ZNF804A: variants seen among roughly 807,000 people sequenced by gnomAD.
The protein encoded by ZNF804A is zinc finger protein 804A.
ZNF804A carries 2 observed loss-of-function variants against 16.5 expected under a neutral mutation model. The observed-to-expected ratio is 0.12, with a 90% CI of 0.05 to 0.38. The LOEUF (loss-of-function observed/expected upper bound fraction) is 0.38. ZNF804A is among the 10% of genes least tolerant of loss of function. ZNF804A has a pLI of 0.99. For synonymous variants in ZNF804A, 534 were observed against 489.6 expected (o/e 1.09, Z -1.20); for missense variants, 1,473 against 1,390.7 (o/e 1.06, Z -0.94).
intron 1 of ZNF804A, among the ~76,000 whole-genome samples, chr2:184,802,619 G>C (rs767695020): frequency 4.6e-5 from 7 of 152,144 alleles, no homozygotes; most frequent in African/African-American, 7.2e-5. Flanking sequence ...TCTTTCTCCA[G>C]ATTTTGGGGT....
At chr2:184,738,403 C>T (rs528514103) in intron 1 of ZNF804A, among the ~76,000 whole-genome samples, 82 of 152,094 alleles carry the variant, frequency 5.4e-4, no homozygotes, top group African/African-American at 1.9e-3. Context: ...TCCTGAGCTC[C>T]GCTTGTTATT....
intron 1 of ZNF804A, among the ~76,000 whole-genome samples, chr2:184,839,945 A>G (rs989711458): frequency 6.6e-6 from 1 of 152,170 alleles, no homozygotes; most frequent in Non-Finnish European, 1.5e-5. Flanking sequence ...TTCAACTTGG[A>G]TTGAGGTGTC....
Position 184,938,959 on chromosome 2 carries a change from C to A in ZNF804A, c.3563C>A (p.Pro1188His), listed in dbSNP as rs1469509608. ...HPSHLAFPSL[P>H]HALFPSLLSP... ...AGCCATCTGGCTTTCCCATCTTTACCCCATGCACTCTTTCCTTCACTGCTT... is the reference window on the plus strand; with the variant it reads ...AGCCATCTGGCTTTCCCATCTTTACACCATGCACTCTTTCCTTCACTGCTT... The change falls in exon 4 of 4, where the codon CCC (proline) becomes CAC (histidine). Residue 1188 changes from proline (P) to histidine (H), a missense_variant. Transcript: ENST00000302277. 3.7e-6 allele frequency: 6 copies of A among 1,613,788 alleles called. No homozygotes were observed. The highest frequency in any genetic ancestry group is 5.1e-6 in the Non-Finnish European group (6 of 1,179,942).
At chr2:184,679,191 C>G (rs538436606) in intron 1 of ZNF804A, among the ~76,000 whole-genome samples, 2 of 152,176 alleles carry the variant, frequency 1.3e-5, no homozygotes, top group Non-Finnish European at 2.9e-5. Flanking sequence ...AATGTGTTTA[C>G]TTAGAGGAAT....
chr2:184,719,759 A>G (rs1282130054), intron 1 of ZNF804A, among the ~76,000 whole-genome samples: 1 of 152,066 alleles, frequency 6.6e-6, no homozygotes, highest in Non-Finnish European at 1.5e-5. Context: ...GGTTCATATC[A>G]TTATCAGCAC....
chr2:184,682,970 C>T (rs575127676), intron 1 of ZNF804A, among the ~76,000 whole-genome samples: 27 of 152,178 alleles, frequency 1.8e-4, no homozygotes, highest in Admixed American at 1.4e-3. Context: ...ATTGTGCCTC[C>T]GCACTCCATG....
intron 1 of ZNF804A, among the ~76,000 whole-genome samples, chr2:184,753,776 CA>C (rs2105759802): frequency 6.6e-6 from 1 of 151,944 alleles, no homozygotes; most frequent in South Asian, 2.1e-4. Flanking sequence ...GAGATTATCA[CA>C]GGAGCCTTCA....
chr2:184,937,171 A>G lies in ZNF804A; in HGVS notation c.1775A>G (p.Lys592Arg), dbSNP rs1273683626. The part of the protein sequence containing the change: ...LKETHEYWFH[K>R]SRRKKKRKKL... Reference sequence around the variant, plus strand: ...GAGACCCATGAATACTGGTTCCATAAAAGTAGAAGAAAGAAAAAAAGAAAA... The same window carrying G: ...GAGACCCATGAATACTGGTTCCATAGAAGTAGAAGAAAGAAAAAAAGAAAA... Residue 592 changes from lysine to arginine, a missense_variant, in exon 4 of 4, where the codon AAA (lysine) becomes AGA (arginine). Lys to Arg is a conservative substitution (Grantham distance 26). Coordinates refer to ENST00000302277, the MANE Select transcript of ZNF804A (RefSeq NM_194250.2). 6.3e-7 allele frequency: 1 copy of G among 1,598,746 alleles called. No individual in the cohort carries two copies. Among genetic ancestry groups the G allele is most frequent in the Admixed American group, 1.8e-5 (1 of 55,290 alleles).
At chr2:184,731,725 C>T (rs1693525227) in intron 1 of ZNF804A, among the ~76,000 whole-genome samples, 1 of 151,724 alleles carries the variant, frequency 6.6e-6, no homozygotes, top group Non-Finnish European at 1.5e-5. Flanking sequence ...ATGCGCCACA[C>T]TACCTGGCTA....
At chr2:184,848,705 A>G (rs573046383) in intron 1 of ZNF804A, among the ~76,000 whole-genome samples, 37 of 152,176 alleles carry the variant, frequency 2.4e-4, no homozygotes, top group Middle Eastern at 6.8e-3. Flanking sequence ...AGAGAGCATG[A>G]TAGAAGATGA....
chr2:184,795,794 CT>C (rs1694621919), intron 1 of ZNF804A, among the ~76,000 whole-genome samples: 1 of 151,584 alleles, frequency 6.6e-6, no homozygotes, highest in East Asian at 1.9e-4. Flanking sequence ...CTATGAACAC[CT>C]TTATGTGCAC....
At chr2:184,843,488 G>T (rs2105800810) in intron 1 of ZNF804A, among the ~76,000 whole-genome samples, 1 of 152,066 alleles carries the variant, frequency 6.6e-6, no homozygotes, top group South Asian at 2.1e-4. Context: ...TGGCCAGGCT[G>T]GTCTCAAACT....
At chr2:184,849,986 G>C (rs1001643188) in intron 1 of ZNF804A, among the ~76,000 whole-genome samples, 4 of 151,852 alleles carry the variant, frequency 2.6e-5, no homozygotes, top group African/African-American at 9.7e-5. Context: ...AATTGTGTAT[G>C]TTCTCACTCA....
rs2105843746 is a variant in ZNF804A, at chr2:184,936,238, C to T, written c.842C>T (p.Pro281Leu). 1 of 1,613,934 alleles carries T rather than the reference C, an allele frequency of 6.2e-7. No individual in the cohort carries two copies. The highest frequency in any genetic ancestry group is 8.5e-7 in the Non-Finnish European group (1 of 1,179,952). The change falls in exon 4 of 4, where the codon CCA becomes CTA. Residue 281 changes from proline to leucine, a missense_variant. Pro to Leu is a moderately conservative substitution (Grantham distance 98). Coordinates refer to ENST00000302277, the MANE Select transcript of ZNF804A (RefSeq NM_194250.2). ...GAGAAAACTAACTCTTTTCATCCACCAGAGGCAATGTGCAGAGACAAAGAA... is the reference window on the plus strand; with the variant it reads ...GAGAAAACTAACTCTTTTCATCCACTAGAGGCAATGTGCAGAGACAAAGAA... ...SEEKTNSFHP[P>L]EAMCRDKETV...
chr2:184,622,582 A>T (rs1691436412), intron 1 of ZNF804A, among the ~76,000 whole-genome samples: 1 of 151,884 alleles, frequency 6.6e-6, no homozygotes, highest in Admixed American at 6.6e-5. Context: ...TGCCATATAT[A>T]TACACTTTGG....
At chr2:184,791,382 T>A (rs767030130) in intron 1 of ZNF804A, among the ~76,000 whole-genome samples, 1 of 152,182 alleles carries the variant, frequency 6.6e-6, no homozygotes, top group Non-Finnish European at 1.5e-5. Flanking sequence ...TGAATGCTTG[T>A]TTGGGAAAAG....
chr2:184,866,259 G>T, intron 1 of ZNF804A, 110 bp from the exon 2 acceptor site: 7 of 907,026 alleles, frequency 7.7e-6, no homozygotes, highest in Non-Finnish European at 9.6e-6. Flanking sequence ...TTTTCTCTTT[G>T]CTGTATTCTG....
At chr2:184,602,907 A>G (rs559715924) in intron 1 of ZNF804A, among the ~76,000 whole-genome samples, 1 of 152,196 alleles carries the variant, frequency 6.6e-6, no homozygotes, top group African/African-American at 2.4e-5. Flanking sequence ...TATGATTAAG[A>G]GATGGTATTG....
At chr2:184,772,903 TAC>T (rs60984699) in intron 1 of ZNF804A, among the ~76,000 whole-genome samples, 137,823 of 142,992 alleles carry the variant, frequency 0.96, 66,490 homozygotes, top group Non-Finnish European at 0.99. Context: ...TTAAAATACA[TAC>T]ACACACACAC....
Sources: gnomAD v4.1 joint callset for allele counts (sites outside exome capture counted in the v4.1 genomes callset) on GRCh38, gnomAD v4.1.1 for gene constraint, MANE v1.5 for transcripts, NCBI Gene and HGNC (gene_info 2026-07-23, HGNC 2026-07-21) for gene names.